NEK7: variants seen among roughly 807,000 people sequenced by gnomAD.
NEK7 encodes serine/threonine-protein kinase Nek7.
NEK7 carries 18 observed loss-of-function variants against 44.6 expected under a neutral mutation model. The observed-to-expected ratio is 0.40, with a 90% CI of 0.28 to 0.60. The LOEUF (loss-of-function observed/expected upper bound fraction) is 0.60. Among genes scored for constraint, NEK7 ranks in the 20% least tolerant of loss-of-function variants. NEK7 has a pLI of 0.38. For synonymous variants in NEK7, 130 were observed against 121.1 expected (o/e 1.07, Z -0.48); for missense variants, 256 against 366.5 (o/e 0.70, Z 2.46).
intron 4 of NEK7, 108 bp from the exon 5 acceptor site, chr1:198,264,017 T>A (rs991358027): frequency 3.4e-6 from 4 of 1,159,622 alleles, no homozygotes; most frequent in Non-Finnish European, 2.3e-6. Context: ...TGTTAAGATT[T>A]CTGTAATTTA....
At chr1:198,200,431 A>G (rs746121316) in intron 1 of NEK7, among the ~76,000 whole-genome samples, 9 of 151,960 alleles carry the variant, frequency 5.9e-5, no homozygotes, top group African/African-American at 1.7e-4. Flanking sequence ...AGATGATTCA[A>G]TATTTTTTAT....
chr1:198,268,781 G>C (rs1187092670), intron 5 of NEK7, among the ~76,000 whole-genome samples: 1 of 152,092 alleles, frequency 6.6e-6, no homozygotes, highest in Non-Finnish European at 1.5e-5. Context: ...CAAGTGCCTA[G>C]AGCAGTGCCT....
At chr1:198,197,873 A>T in intron 1 of NEK7, 8 of 992,614 alleles carry the variant, frequency 8.1e-6, no homozygotes, top group Non-Finnish European at 1.3e-5. Context: ...TTTCATCTGC[A>T]TCTTCTTGTC....
intron 2 of NEK7, among the ~76,000 whole-genome samples, chr1:198,237,944 A>G (rs1329173501): frequency 3.3e-5 from 5 of 152,148 alleles, no homozygotes; most frequent in African/African-American, 9.7e-5. Flanking sequence ...CTCTTAGGGT[A>G]TAAGCTCTCT....
intron 9 of NEK7, among the ~76,000 whole-genome samples, chr1:198,303,126 T>C (rs1468943395): frequency 6.6e-6 from 1 of 152,084 alleles, no homozygotes; most frequent in African/African-American, 2.4e-5. Context: ...CAATGTAACA[T>C]TGAAAGGAAA....
Position 198,157,926 on chromosome 1 carries a change from CTG to C in NEK7, c.-29+651_-29+652del, listed in dbSNP as rs201230161. Reference sequence around the variant, plus strand: ...GTGGCAATGGAAAAGAAATTGAAAACTGAGGCCAAAGTCAGAGAAGGGTAGCC... The same window carrying C: ...GTGGCAATGGAAAAGAAATTGAAAACAGGCCAAAGTCAGAGAAGGGTAGCC... On this transcript the variant is annotated intron_variant, in intron 1 of 9. Coordinates refer to ENST00000367385, the MANE Select transcript of NEK7 (RefSeq NM_133494.3). 4.8e-3 allele frequency among the ~76,000 whole-genome samples: 728 copies of C among 152,218 alleles called. 8 individuals carry two copies. Among genetic ancestry groups the C allele is most frequent in the African/African-American group, 0.017 (700 of 41,526 alleles).
intron 1 of NEK7, among the ~76,000 whole-genome samples, chr1:198,183,947 T>C (rs1484892746): frequency 6.6e-6 from 1 of 152,254 alleles, no homozygotes; most frequent in Non-Finnish European, 1.5e-5. Flanking sequence ...CTAACAAATA[T>C]TGTAAGTGGA....
At chr1:198,256,601 T>G (rs2102935086) in intron 3 of NEK7, 290 of 1,135,774 alleles carry the variant, frequency 2.6e-4, no homozygotes, top group Non-Finnish European at 3.2e-4. Flanking sequence ...ATTGAATTCA[T>G]TCCTCCAGTA....
chr1:198,252,538 ATATATATATATATATATATATATATATAT>A (rs1653058897), intron 2 of NEK7, among the ~76,000 whole-genome samples: 2 of 60,916 alleles, frequency 3.3e-5, no homozygotes, highest in African/African-American at 2.4e-4. Context: ...CTATATATAT[ATATATATATATATATATATATATATATAT>A]AAAAAGTACA....
intron 2 of NEK7, among the ~76,000 whole-genome samples, chr1:198,250,443 G>A (rs1433452202): frequency 5.9e-5 from 9 of 152,038 alleles, no homozygotes; most frequent in South Asian, 2.1e-4. Context: ...TGATGGGAAC[G>A]GCATTGAATC....
At chr1:198,178,332 C>T (rs1450075217) in intron 1 of NEK7, among the ~76,000 whole-genome samples, 1 of 151,914 alleles carries the variant, frequency 6.6e-6, no homozygotes, top group Non-Finnish European at 1.5e-5. Context: ...CTGTTTTTAA[C>T]GTTTTTTACT....
chr1:198,207,412 G>A (rs1161291292), intron 1 of NEK7, among the ~76,000 whole-genome samples: 6 of 152,048 alleles, frequency 3.9e-5, no homozygotes, highest in South Asian at 2.1e-4. Context: ...GGACTGGTAC[G>A]CAAATATTTA....
chr1:198,302,575 A>AT (rs1654921771), intron 9 of NEK7, among the ~76,000 whole-genome samples: 1 of 151,988 alleles, frequency 6.6e-6, no homozygotes, highest in Non-Finnish European at 1.5e-5. Flanking sequence ...AAGTACAGGT[A>AT]TTTTTTCCTA....
chr1:198,238,967 A>G (rs1465909554), intron 2 of NEK7, among the ~76,000 whole-genome samples: 1 of 152,144 alleles, frequency 6.6e-6, no homozygotes, highest in Non-Finnish European at 1.5e-5. Context: ...GGAGTCTTAT[A>G]CTCATGTTTA....
At chr1:198,314,872 A>T (rs1655307642) in intron 9 of NEK7, among the ~76,000 whole-genome samples, 2 of 152,164 alleles carry the variant, frequency 1.3e-5, no homozygotes, top group African/African-American at 4.8e-5. Flanking sequence ...TTCAGAGGTT[A>T]CTGCTGTCCT....
intron 7 of NEK7, among the ~76,000 whole-genome samples, chr1:198,282,932 A>G (rs1229389656): frequency 6.6e-6 from 1 of 152,144 alleles, no homozygotes; most frequent in African/African-American, 2.4e-5. Flanking sequence ...ACTAGGATGA[A>G]TTATTAGTGA....
At chr1:198,217,028 A>C (rs975926005) in intron 1 of NEK7, among the ~76,000 whole-genome samples, 1 of 152,106 alleles carries the variant, frequency 6.6e-6, no homozygotes, top group African/African-American at 2.4e-5. Context: ...CAGACATTCA[A>C]GGAAGAATTA....
At chr1:198,177,942 A>T (rs1226776470) in intron 1 of NEK7, among the ~76,000 whole-genome samples, 1 of 152,114 alleles carries the variant, frequency 6.6e-6, no homozygotes, top group Non-Finnish European at 1.5e-5. Flanking sequence ...ATGAAAAAAA[A>T]TAGCACAGAA....
At chr1:198,165,653 AG>A (rs1664242347) in intron 1 of NEK7, among the ~76,000 whole-genome samples, 1 of 152,200 alleles carries the variant, frequency 6.6e-6, no homozygotes. Context: ...TATAGCACAC[AG>A]GCAGAGTAGA....
Sources: allele counts gnomAD v4.1 joint callset (sites outside exome capture counted in the v4.1 genomes callset), GRCh38; gene constraint gnomAD v4.1.1; transcripts MANE v1.5; gene names NCBI Gene and HGNC (gene_info 2026-07-23, HGNC 2026-07-21).